The following HS3ST4 variants were observed in gnomAD, a reference collection of about 807,000 sequenced individuals.
HS3ST4 encodes heparan sulfate-glucosamine 3-sulfotransferase 4, also known as heparan sulfate glucosamine 3-O-sulfotransferase 4.
Under a neutral mutation model 29.2 loss-of-function variants are expected in HS3ST4, and 17 were observed. The observed-to-expected ratio is 0.58, with a 90% CI of 0.40 to 0.87. The LOEUF (loss-of-function observed/expected upper bound fraction) is 0.87, where lower values mean the gene tolerates loss of function less well. Among genes scored for constraint, HS3ST4 ranks in the 40% least tolerant of loss-of-function variants. HS3ST4 has a pLI of 0.00. For synonymous variants in HS3ST4, 314 were observed against 285.7 expected (o/e 1.10, Z -1.00); for missense variants, 627 against 634.5 (o/e 0.99, Z 0.13).
Position 25,895,926 on chromosome 16 carries a change from G to T in HS3ST4, c.734+202775G>T, listed in dbSNP as rs532244011. ...CACAAATATTCAGTCTGTAACAGTG[G>T]ACAAGGGGACAGAAGGCTGGGGATG... On this transcript the variant is annotated intron_variant, in intron 1 of 1. Coordinates refer to ENST00000331351, the MANE Select transcript of HS3ST4 (RefSeq NM_006040.3). Among the ~76,000 whole-genome samples the T allele has an allele frequency of 7.0e-4, 106 of 152,226 alleles. No homozygotes were observed. The South Asian group carries it at 1.0e-2, about 14-fold the overall frequency.
intron 1 of HS3ST4, among the ~76,000 whole-genome samples, chr16:26,074,282 A>G (rs1010517244): frequency 6.6e-6 from 1 of 152,180 alleles, no homozygotes; most frequent in East Asian, 1.9e-4. Context: ...TGGCTAAACC[A>G]TTCACAAACA....
At chr16:25,789,405 TC>T in intron 1 of HS3ST4, among the ~76,000 whole-genome samples, 1 of 69,816 alleles carries the variant, frequency 1.4e-5, no homozygotes, top group African/African-American at 7.2e-5. Flanking sequence ...CTTTGTTTTT[TC>T]CTTCCTTCCT....
intron 1 of HS3ST4, among the ~76,000 whole-genome samples, chr16:25,754,309 C>T (rs957451736): frequency 3.9e-5 from 6 of 152,094 alleles, no homozygotes; most frequent in African/African-American, 1.4e-4. Flanking sequence ...GCTACCCATC[C>T]ACTTATCCAT....
intron 1 of HS3ST4, among the ~76,000 whole-genome samples, chr16:25,738,893 T>G (rs2078389487): frequency 6.6e-6 from 1 of 152,220 alleles, no homozygotes; most frequent in African/African-American, 2.4e-5. Context: ...GCTTTGTTCT[T>G]GCTCAAGATT....
At chr16:25,721,567 A>G (rs1008058732) in intron 1 of HS3ST4, among the ~76,000 whole-genome samples, 1 of 152,164 alleles carries the variant, frequency 6.6e-6, no homozygotes, top group African/African-American at 2.4e-5. Context: ...CACATGTGGG[A>G]TGGCCCAGTT....
intron 1 of HS3ST4, among the ~76,000 whole-genome samples, chr16:25,932,024 G>C (rs760355780): frequency 1.2e-4 from 18 of 152,256 alleles, no homozygotes; most frequent in South Asian, 8.3e-4. Context: ...TATATTGAAA[G>C]TTCATCTTGG....
intron 1 of HS3ST4, among the ~76,000 whole-genome samples, chr16:26,125,532 T>C (rs1040498774): frequency 2.0e-5 from 3 of 152,276 alleles, no homozygotes; most frequent in Admixed American, 6.5e-5. Context: ...GGACCAGTAC[T>C]GGTCTGCAGC....
chr16:25,895,251 A>T (rs1968048598), intron 1 of HS3ST4, among the ~76,000 whole-genome samples: 1 of 152,112 alleles, frequency 6.6e-6, no homozygotes, highest in Non-Finnish European at 1.5e-5. Context: ...AGGTGATGTG[A>T]GTTAATGTAT....
chr16:25,873,403 C>T (rs1596598317), intron 1 of HS3ST4, among the ~76,000 whole-genome samples: 1 of 135,796 alleles, frequency 7.4e-6, no homozygotes, highest in Non-Finnish European at 1.6e-5. Context: ...TCCATCCATC[C>T]ATCCATCCAT....
chr16:26,090,679 G>A (rs1010016432), intron 1 of HS3ST4, among the ~76,000 whole-genome samples: 13 of 152,184 alleles, frequency 8.5e-5, no homozygotes, highest in Middle Eastern at 3.4e-3. Flanking sequence ...CATCCAAAGG[G>A]CATGCGATCA....
intron 1 of HS3ST4, among the ~76,000 whole-genome samples, chr16:25,848,628 T>C (rs1176241651): frequency 6.6e-6 from 1 of 152,140 alleles, no homozygotes; most frequent in Non-Finnish European, 1.5e-5. Flanking sequence ...ATTCTGAAGA[T>C]TGTTATTTGT....
At chr16:26,111,015 T>A (rs1025562632) in intron 1 of HS3ST4, among the ~76,000 whole-genome samples, 2 of 151,898 alleles carry the variant, frequency 1.3e-5, no homozygotes, top group African/African-American at 4.8e-5. Flanking sequence ...TGCACGCGTT[T>A]GGGGTACAAT....
intron 1 of HS3ST4, among the ~76,000 whole-genome samples, chr16:25,841,764 A>G (rs981323028): frequency 2.0e-5 from 3 of 152,176 alleles, no homozygotes; most frequent in Non-Finnish European, 2.9e-5. Flanking sequence ...CATAATGGGA[A>G]CTAGAACCTG....
At chr16:26,021,635 C>T (rs937737581) in intron 1 of HS3ST4, among the ~76,000 whole-genome samples, 2 of 152,052 alleles carry the variant, frequency 1.3e-5, no homozygotes, top group Non-Finnish European at 2.9e-5. Flanking sequence ...AACACAACCT[C>T]TAAGCACTTC....
At position 25,857,959 on chromosome 16, in the gene HS3ST4, TC is replaced by T. The variant is rs1182180285; in HGVS notation, c.734+164809del. Among the ~76,000 whole-genome samples the T allele has an allele frequency of 5.3e-3, 308 of 57,904 alleles. 2 individuals are homozygous for T. The highest frequency in any genetic ancestry group is 0.026 in the African/African-American group (281 of 10,924). 38.0% of individuals were successfully genotyped at this position (57,904 alleles called of 152,430 possible). A position where few individuals can be genotyped will look rare whatever the true frequency, so the allele number is the denominator to read the frequency against. On this transcript the variant is annotated intron_variant, in intron 1 of 1. Transcript: ENST00000331351. ...TTCTTTCTTTCTTTCTTTCTTTCTT[TC>T]TTTCTTTCTTTCTCTTTTCTGTCTT... is the stretch of plus-strand genomic sequence containing the variant.
chr16:26,041,804 T>C (rs1596660300), intron 1 of HS3ST4, among the ~76,000 whole-genome samples: 1 of 152,214 alleles, frequency 6.6e-6, no homozygotes. Context: ...ATCATAATAC[T>C]TTAACAAGCC....
intron 1 of HS3ST4, among the ~76,000 whole-genome samples, chr16:26,108,100 C>A (rs995995063): frequency 6.6e-6 from 1 of 152,186 alleles, no homozygotes; most frequent in Non-Finnish European, 1.5e-5. Context: ...TCACCACATG[C>A]ATGCCAACAT....
intron 1 of HS3ST4, among the ~76,000 whole-genome samples, chr16:25,947,564 A>G (rs570527445): frequency 2.0e-5 from 3 of 152,236 alleles, no homozygotes; most frequent in South Asian, 2.1e-4. Context: ...TTTTAATGCA[A>G]AATCACAAGT....
At chr16:25,823,272 C>T (rs1372787089) in intron 1 of HS3ST4, among the ~76,000 whole-genome samples, 1 of 152,134 alleles carries the variant, frequency 6.6e-6, no homozygotes, top group Non-Finnish European at 1.5e-5. Context: ...CTTGATTTCC[C>T]TCAGGACTTA....
Sources: allele counts gnomAD v4.1 joint callset (sites outside exome capture counted in the v4.1 genomes callset), GRCh38; gene constraint gnomAD v4.1.1; transcripts MANE v1.5; gene names NCBI Gene and HGNC (gene_info 2026-07-23, HGNC 2026-07-21).